ARID1A: variants seen among roughly 807,000 people sequenced by gnomAD.
ARID1A encodes the protein AT-rich interactive domain-containing protein 1A.
ARID1A carries 20 observed loss-of-function variants against 212.6 expected under a neutral mutation model. The observed-to-expected ratio is 0.09, with a 90% confidence interval of 0.07 to 0.14. The LOEUF is 0.14. ARID1A is among the 10% of genes least tolerant of loss of function. The probability of loss-of-function intolerance (pLI) is 1.00; values close to 1 mark genes in which losing one functional copy is unlikely to be tolerated. For missense variants in ARID1A, 2,587 were observed against 3,059.0 expected (o/e 0.85, Z 3.64); for synonymous variants, 1,376 against 1,222.1 (o/e 1.13, Z -2.63).
At chr1:26,726,016 C>T (rs1468340423) in intron 1 of ARID1A, among the ~76,000 whole-genome samples, 6 of 151,762 alleles carry the variant, frequency 4.0e-5, no homozygotes, top group East Asian at 1.9e-4. Context: ...CCACCACGTC[C>T]GGCTAATTTT....
chr1:26,762,334 C>G lies in ARID1A; in HGVS notation c.2419+15C>G, dbSNP rs2124064954. 1 of 1,609,720 alleles carries G rather than the reference C, an allele frequency of 6.2e-7. No homozygotes were observed. Among genetic ancestry groups the G allele is most frequent in the Non-Finnish European group, 8.5e-7 (1 of 1,177,984 alleles). On this transcript the variant is annotated intron_variant, in intron 7 of 19. Transcript: ENST00000324856. Reference sequence around the variant, plus strand: ...TGGCCCACAAGGTCAGTATACTACCCAGTTAGGAGTAGATACGGGTGAGAG... The same window carrying G: ...TGGCCCACAAGGTCAGTATACTACCGAGTTAGGAGTAGATACGGGTGAGAG...
intron 1 of ARID1A, among the ~76,000 whole-genome samples, chr1:26,714,395 C>A (rs2080481869): frequency 6.8e-6 from 1 of 148,090 alleles, no homozygotes; most frequent in Non-Finnish European, 1.5e-5. Flanking sequence ...CATCTATAAT[C>A]TTTTTTGTTT....
intron 4 of ARID1A, among the ~76,000 whole-genome samples, chr1:26,738,623 A>G (rs551377101): frequency 1.3e-5 from 2 of 151,872 alleles, no homozygotes; most frequent in Non-Finnish European, 2.9e-5. Flanking sequence ...CAGTGGCACG[A>G]TCTTGGCTCA....
chr1:26,766,387 C>T (rs866564480), intron 9 of ARID1A, 21 bp downstream of exon 9: 4 of 1,614,024 alleles, frequency 2.5e-6, no homozygotes, highest in Non-Finnish European at 3.4e-6. Flanking sequence ...GTCATTCTCA[C>T]TAGGGATTTC....
At chr1:26,705,220 C>G (rs989967358) in intron 1 of ARID1A, among the ~76,000 whole-genome samples, 1 of 152,004 alleles carries the variant, frequency 6.6e-6, no homozygotes, top group African/African-American at 2.4e-5. Flanking sequence ...TCATTGCAAC[C>G]TCTGCCTCCC....
At chr1:26,715,827 G>A (rs2080497247) in intron 1 of ARID1A, among the ~76,000 whole-genome samples, 1 of 151,880 alleles carries the variant, frequency 6.6e-6, no homozygotes, top group Admixed American at 6.5e-5. Flanking sequence ...GGGCAATGTA[G>A]GGAGACCCGT....
chr1:26,767,537 T>C (rs1480063458), intron 10 of ARID1A, among the ~76,000 whole-genome samples: 1 of 152,204 alleles, frequency 6.6e-6, no homozygotes, highest in African/African-American at 2.4e-5. Flanking sequence ...GATAATTTTA[T>C]AATACCTAAT....
In ARID1A at chr1:26,771,369, G is replaced by T; in HGVS notation, c.3406+43G>T. The T allele has an allele frequency of 1.3e-6, 2 of 1,579,644 alleles. No homozygotes were observed. Among genetic ancestry groups the T allele is most frequent in the Non-Finnish European group, 1.7e-6 (2 of 1,150,228 alleles). On this transcript the variant is annotated intron_variant, in intron 12 of 19. Coordinates refer to ENST00000324856, the MANE Select transcript of ARID1A (RefSeq NM_006015.6). The surrounding 1 kb of genome is among the most constrained non-coding windows in gnomAD (Gnocchi z 5.4). ...GGCCCCACCAAGGCTGAGAGGGCCT[G>T]TTGCCCTGGCCTCTTATTCAGGATA...
chr1:26,732,309 C>G (rs949467359), intron 3 of ARID1A, among the ~76,000 whole-genome samples: 2 of 152,120 alleles, frequency 1.3e-5, no homozygotes, highest in Non-Finnish European at 2.9e-5. Flanking sequence ...TATCTCATCC[C>G]AAGGTGATGT....
At position 26,775,820 on chromosome 1, in the gene ARID1A, T is replaced by C. The variant is rs757091327; in HGVS notation, c.5124+113T>C. 19 of 1,498,162 alleles carry C rather than the reference T, an allele frequency of 1.3e-5. No homozygotes were observed. The South Asian group carries it at 1.8e-4, about 14-fold the overall frequency. 92.8% of individuals were successfully genotyped at this position (1,498,162 alleles called of 1,614,324 possible). A position where few individuals can be genotyped will look rare whatever the true frequency, so the allele number is the denominator to read the frequency against. ...TCTTTCTCTTTCTCTCTTGTAGATATCTTCCATGCCAGTACTTTGCTTCCT... is the reference window on the plus strand; with the variant it reads ...TCTTTCTCTTTCTCTCTTGTAGATACCTTCCATGCCAGTACTTTGCTTCCT... On this transcript the variant is annotated intron_variant, in intron 19 of 19. Coordinates refer to ENST00000324856, the MANE Select transcript of ARID1A (RefSeq NM_006015.6).
intron 1 of ARID1A, among the ~76,000 whole-genome samples, chr1:26,723,590 G>T (rs2080586779): frequency 6.6e-6 from 1 of 152,178 alleles, no homozygotes; most frequent in South Asian, 2.1e-4. Flanking sequence ...CATGGCCAGA[G>T]ATTACGAGCA....
intron 6 of ARID1A, 42 bp downstream of exon 6, chr1:26,761,515 G>C (rs2124060450): frequency 6.3e-7 from 1 of 1,587,772 alleles, no homozygotes; most frequent in Non-Finnish European, 8.6e-7. Context: ...AGCTAGGGCA[G>C]ACATTTGAGT....
Position 26,697,321 on chromosome 1 carries a change from G to A in ARID1A, c.918G>A (p.Arg306=). 1.5e-6 allele frequency: 2 copies of A among 1,339,762 alleles called. No individual in the cohort carries two copies. The highest frequency in any genetic ancestry group is 1.9e-6 in the Non-Finnish European group (2 of 1,051,822). 83.0% of individuals were successfully genotyped at this position (1,339,762 alleles called of 1,614,324 possible). ...TGCTCACGTCGCCCAGCTCGGCCCG[G>A]GGCTACCAGGGCTACCCCGGGGGCG... is the stretch of plus-strand genomic sequence containing the variant. ...NQLLTSPSSA[R]GYQGYPGGDY... The change falls in exon 1 of 20, where the codon CGG becomes CGA. Residue 306 remains arginine (R), a synonymous_variant. Coordinates refer to ENST00000324856, the MANE Select transcript of ARID1A (RefSeq NM_006015.6).
At chr1:26,737,203 C>T (rs2080742447) in intron 4 of ARID1A, among the ~76,000 whole-genome samples, 1 of 152,028 alleles carries the variant, frequency 6.6e-6, no homozygotes, top group African/African-American at 2.4e-5. Context: ...GCAGTCTCCA[C>T]CTCCCCAGGT....
At chr1:26,719,880 G>A (rs2080543736) in intron 1 of ARID1A, among the ~76,000 whole-genome samples, 1 of 146,270 alleles carries the variant, frequency 6.8e-6, no homozygotes, top group Non-Finnish European at 1.5e-5. Flanking sequence ...GGCAGAAGTT[G>A]CAATGAGCCG....
At position 26,780,031 on chromosome 1, in the gene ARID1A, A is replaced by G; in HGVS notation, c.6133A>G (p.Lys2045Glu). ...ACAGGACCAAGGGGTGAGCTGCAAC[A>G]AAGTGGAGTGGTGGTGGGACTGCTT... ...EEQDQGVSCN[K>E]VEWWWDCLEM... is the part of the protein sequence containing the mutation. Residue 2045 changes from lysine to glutamate, a missense_variant, in exon 20 of 20, where the codon AAA becomes GAA. Transcript: ENST00000324856. This position sits in a 1 kb window ranked among gnomAD's most constrained non-coding sequence, Gnocchi z 7.2. 2.5e-6 allele frequency: 4 copies of G among 1,614,176 alleles called. No individual in the cohort carries two copies. Among genetic ancestry groups the G allele is most frequent in the Non-Finnish European group, 3.4e-6 (4 of 1,180,026 alleles).
intron 4 of ARID1A, among the ~76,000 whole-genome samples, chr1:26,741,486 G>A (rs2080788037): frequency 6.6e-6 from 1 of 152,172 alleles, no homozygotes; most frequent in Non-Finnish European, 1.5e-5. Context: ...ACCCGCATGT[G>A]TATAAGGCAG....
chr1:26,707,768 A>G (rs1315776135), intron 1 of ARID1A, among the ~76,000 whole-genome samples: 2 of 152,186 alleles, frequency 1.3e-5, no homozygotes, highest in East Asian at 1.9e-4. Context: ...GGTGGGTTCT[A>G]TTATTAATCT....
At chr1:26,777,441 A>T (rs997130492) in intron 19 of ARID1A, among the ~76,000 whole-genome samples, 6 of 141,182 alleles carry the variant, frequency 4.2e-5, no homozygotes, top group African/African-American at 1.6e-4. Context: ...CATGTTGCCC[A>T]GGCTGATTTC....
Sources: allele counts gnomAD v4.1 joint callset (sites outside exome capture counted in the v4.1 genomes callset), GRCh38; gene constraint gnomAD v4.1.1; non-coding constraint Gnocchi (gnomAD v3.1); transcripts MANE v1.5; gene names NCBI Gene and HGNC (gene_info 2026-07-23, HGNC 2026-07-21).